MCM8: variants seen among roughly 807,000 people sequenced by gnomAD.
MCM8 encodes DNA helicase MCM8.
A neutral mutation model predicts 98.9 loss-of-function variants in MCM8; 85 were observed. That is an observed-to-expected ratio of 0.86 (90% CI 0.72 to 1.03). The LOEUF is 1.03. Among genes scored for constraint, MCM8 ranks in the 50% least tolerant of loss-of-function variants. The probability of loss-of-function intolerance (pLI) is 0.00; values close to 1 mark genes in which losing one functional copy is unlikely to be tolerated. For missense variants in MCM8, 951 were observed against 997.8 expected (o/e 0.95, Z 0.63); for synonymous variants, 352 against 338.6 (o/e 1.04, Z -0.44).
In MCM8 at chr20:5,985,909, A is replaced by G. The variant is rs2089722652; in HGVS notation, c.1954-13A>G. The G allele has an allele frequency of 6.2e-7, 1 of 1,613,048 alleles. No homozygotes were observed. Among genetic ancestry groups the G allele is most frequent in the African/African-American group, 1.3e-5 (1 of 74,892 alleles). ...TTATCCTTGTTATCTTGGGCCTTTT[A>G]ATCATGCTTCAGGTGGTTCCTGGAG... On this transcript the variant is annotated splice_polypyrimidine_tract_variant and intron_variant, in intron 15 of 18. Transcript: ENST00000610722.
chr20:5,992,811 A>T (rs2089880248), intron 17 of MCM8, among the ~76,000 whole-genome samples: 1 of 152,204 alleles, frequency 6.6e-6, no homozygotes, highest in Non-Finnish European at 1.5e-5. Context: ...TCCTGATTAA[A>T]TAACAGTTTT....
intron 10 of MCM8, among the ~76,000 whole-genome samples, chr20:5,970,037 C>T (rs1422612952): frequency 6.6e-6 from 1 of 152,146 alleles, no homozygotes; most frequent in Non-Finnish European, 1.5e-5. Flanking sequence ...AGCATCAAAA[C>T]TAGAATTTTT....
chr20:5,952,420 T>C lies in MCM8; in HGVS notation c.149-4T>C. ...CTACTAACCTAGTATTTTATTTTTT[T>C]CAGAACAAACCCCACAGTTTTTGCT... is the stretch of plus-strand genomic sequence containing the variant. On this transcript the variant is annotated splice_region_variant and splice_polypyrimidine_tract_variant and intron_variant, in intron 2 of 18. Coordinates refer to ENST00000610722, the MANE Select transcript of MCM8 (RefSeq NM_032485.6). 6.2e-7 allele frequency: 1 copy of C among 1,612,996 alleles called. No homozygotes were observed. The highest frequency in any genetic ancestry group is 8.5e-7 in the Non-Finnish European group (1 of 1,179,748).
chr20:5,959,747 G>C (rs955948256), intron 7 of MCM8, among the ~76,000 whole-genome samples: 4 of 146,630 alleles, frequency 2.7e-5, no homozygotes, highest in African/African-American at 1.0e-4. Context: ...TGCCCGGGCT[G>C]GAGTGCAGTG....
intron 14 of MCM8, 133 bp downstream of exon 14, chr20:5,983,298 A>C (rs2089666985): frequency 4.0e-6 from 3 of 755,858 alleles, no homozygotes; most frequent in Non-Finnish European, 6.1e-6. Context: ...CAATAAATGC[A>C]CAAAAATGTG....
In MCM8 at chr20:5,993,954, C is replaced by G. The variant is rs558629091; in HGVS notation, c.2430+259C>G. 4 of 361,362 alleles carry G rather than the reference C, an allele frequency of 1.1e-5. No individual in the cohort carries two copies. In the East Asian group the frequency reaches 1.3e-4, roughly 12 times the overall value. 22.4% of individuals were successfully genotyped at this position (361,362 alleles called of 1,614,324 possible). A position where few individuals can be genotyped will look rare whatever the true frequency, so the allele number is the denominator to read the frequency against. On this transcript the variant is annotated intron_variant, in intron 18 of 18. Coordinates refer to ENST00000610722, the MANE Select transcript of MCM8 (RefSeq NM_032485.6). ...TAAATGGACATGATTATACCAATTC[C>G]TACTTCAAAGTTCTCGTGAAAATCA...
chr20:5,997,527 A>G lies in MCM8; in HGVS notation c.*3136A>G, dbSNP rs984632207. On this transcript the variant is annotated 3_prime_UTR_variant, in exon 19 of 19. Transcript: ENST00000610722. ...TGGTGGTCTTGCCATGTTGTCCAGT[A>G]TGGACTTGAACTACTCAGCTCAAGC... is the stretch of plus-strand genomic sequence containing the variant. 3.3e-5 allele frequency: 5 copies of G among 152,418 alleles called. No individual in the cohort carries two copies. The highest frequency in any genetic ancestry group is 2.1e-4 in the South Asian group (1 of 4,832). The allele number at this position is 152,418 out of a possible 1,614,324, so 9.4% of individuals were successfully genotyped here.
chr20:5,982,547 C>G (rs889065758), intron 13 of MCM8, among the ~76,000 whole-genome samples: 3 of 151,980 alleles, frequency 2.0e-5, no homozygotes, highest in Admixed American at 6.6e-5. Context: ...TAGTCAATAC[C>G]TGGTATAGGT....
At position 5,952,406 on chromosome 20, in the gene MCM8, GTATTT is replaced by G. The variant is rs1386587769; in HGVS notation, c.149-11_149-7del. 6.2e-7 allele frequency: 1 copy of G among 1,609,578 alleles called. No individual in the cohort carries two copies. The highest frequency in any genetic ancestry group is 8.5e-7 in the Non-Finnish European group (1 of 1,177,144). ...TGTTCACTCTGTTTCTACTAACCTAGTATTTTATTTTTTTCAGAACAAACCCCACA... is the reference window on the plus strand; with the variant it reads ...TGTTCACTCTGTTTCTACTAACCTAGTATTTTTTTCAGAACAAACCCCACA... On this transcript the variant is annotated splice_polypyrimidine_tract_variant and intron_variant, in intron 2 of 18. Transcript: ENST00000610722.
rs1300749402 is a variant in MCM8, at chr20:5,995,269, TAGAAAC to T, written c.*882_*887del. 1 of 152,248 alleles carries T rather than the reference TAGAAAC, an allele frequency of 6.6e-6. No homozygotes were observed. The highest frequency in any genetic ancestry group is 1.5e-5 in the Non-Finnish European group (1 of 68,080). 9.4% of individuals were successfully genotyped at this position (152,248 alleles called of 1,614,324 possible). A position where few individuals can be genotyped will look rare whatever the true frequency, so the allele number is the denominator to read the frequency against. ...TAGTTTGTAGTCTTGCTTGAAACAA[TAGAAAC>T]AGACTGATTAAGCAGGAGAAGTTTT... On this transcript the variant is annotated 3_prime_UTR_variant, in exon 19 of 19. Transcript: ENST00000610722.
At chr20:5,974,300 C>CT (rs1600278587) in intron 12 of MCM8, among the ~76,000 whole-genome samples, 1 of 151,792 alleles carries the variant, frequency 6.6e-6, no homozygotes, top group East Asian at 1.9e-4. Context: ...CTGGCTAATG[C>CT]TTTTTTTGTA....
rs769840375 is a variant in MCM8, at chr20:5,993,698, A to G, written c.2430+3A>G. On this transcript the variant is annotated splice_donor_region_variant and intron_variant, in intron 18 of 18. Coordinates refer to ENST00000610722, the MANE Select transcript of MCM8 (RefSeq NM_032485.6). ...TTGCCAAAGAACTAAACATTCAGGTATGTTAAACTAGTTAATCTCTTTTGT... is the reference window on the plus strand; with the variant it reads ...TTGCCAAAGAACTAAACATTCAGGTGTGTTAAACTAGTTAATCTCTTTTGT... 11 of 1,587,196 alleles carry G rather than the reference A, an allele frequency of 6.9e-6. No individual in the cohort carries two copies. The Admixed American group carries it at 1.6e-4, about 23-fold the overall frequency.
chr20:5,965,540 A>G (rs1259920255), intron 8 of MCM8: 1 of 152,172 alleles, frequency 6.6e-6, no homozygotes, highest in African/African-American at 2.4e-5. Flanking sequence ...ATAGCTCAAC[A>G]AAGAACCAAA....
At position 5,993,494 on chromosome 20, in the gene MCM8, T is replaced by G; in HGVS notation, c.2241-12T>G. 6.6e-7 allele frequency: 1 copy of G among 1,506,410 alleles called. No homozygotes were observed. Among genetic ancestry groups the G allele is most frequent in the Non-Finnish European group, 8.9e-7 (1 of 1,117,946 alleles). The allele number at this position is 1,506,410 out of a possible 1,614,324, so 93.3% of individuals were successfully genotyped here. ...GCTACATTGGGTAATTTTTTCTTCCTTTCTTTTTAAGCATGCTAGGAACTT... is the reference window on the plus strand; with the variant it reads ...GCTACATTGGGTAATTTTTTCTTCCGTTCTTTTTAAGCATGCTAGGAACTT... On this transcript the variant is annotated splice_polypyrimidine_tract_variant and intron_variant, in intron 17 of 18. Coordinates refer to ENST00000610722, the MANE Select transcript of MCM8 (RefSeq NM_032485.6).
intron 16 of MCM8, among the ~76,000 whole-genome samples, chr20:5,986,742 CAGAA>C (rs2089742560): frequency 6.6e-6 from 1 of 152,188 alleles, no homozygotes; most frequent in East Asian, 1.9e-4. Context: ...AATGATCACT[CAGAA>C]ATATACGTTA....
chr20:5,978,576 T>A (rs917299259), intron 13 of MCM8, among the ~76,000 whole-genome samples: 1 of 151,984 alleles, frequency 6.6e-6, no homozygotes, highest in Admixed American at 6.6e-5. Context: ...GTTTTTTTCT[T>A]TTTATGAGAC....
In MCM8 at chr20:5,967,246, G is replaced by A. The variant is rs555918117; in HGVS notation, c.876-190G>A. ...TGGTGGACATTTTGGAGGGAGGCTAGGCAAATACATATGTTCATTTGGCTA... is the reference window on the plus strand; with the variant it reads ...TGGTGGACATTTTGGAGGGAGGCTAAGCAAATACATATGTTCATTTGGCTA... On this transcript the variant is annotated intron_variant, in intron 8 of 18. Coordinates refer to ENST00000610722, the MANE Select transcript of MCM8 (RefSeq NM_032485.6). Among the ~76,000 whole-genome samples the A allele has an allele frequency of 3.9e-5, 6 of 152,268 alleles. No homozygotes were observed. The South Asian group carries it at 1.2e-3, about 32-fold the overall frequency.
In MCM8 at chr20:5,969,681, C is replaced by G. The variant is rs1371895732; in HGVS notation, c.1223+1656C>G. On this transcript the variant is annotated intron_variant, in intron 10 of 18. Coordinates refer to ENST00000610722, the MANE Select transcript of MCM8 (RefSeq NM_032485.6). ...AGGATTTGATGCTTTTTCTTTCTGG[C>G]TTTAATATGTTAATTAGCTGACTGA... 2.0e-5 allele frequency among the ~76,000 whole-genome samples: 3 copies of G among 151,622 alleles called. No individual in the cohort carries two copies. In the East Asian group the frequency reaches 5.8e-4, roughly 29 times the overall value.
chr20:5,969,580 A>G (rs2089356044), intron 10 of MCM8, among the ~76,000 whole-genome samples: 1 of 148,168 alleles, frequency 6.7e-6, no homozygotes, highest in South Asian at 2.2e-4. Context: ...CAACAGAGCA[A>G]GACTCTGTCT....
Sources: gnomAD v4.1 joint callset for allele counts (sites outside exome capture counted in the v4.1 genomes callset) on GRCh38, gnomAD v4.1.1 for gene constraint, MANE v1.5 for transcripts, NCBI Gene and HGNC (gene_info 2026-07-23, HGNC 2026-07-21) for gene names.